Variants in TANC1 observed in about 807,000 individuals in gnomAD.
TANC1 encodes protein TANC1.
Under a neutral mutation model 149.7 loss-of-function variants are expected in TANC1, and 77 were observed. That is an observed-to-expected ratio of 0.51 (90% CI 0.43 to 0.62). TANC1 has a LOEUF of 0.62. Among genes scored for constraint, TANC1 ranks in the 20% least tolerant of loss-of-function variants. The pLI is 0.00. For synonymous variants in TANC1, 854 were observed against 925.0 expected, an observed-to-expected ratio of 0.92 and a Z score of 1.39; for missense variants, 1,985 against 2,321.8, an observed-to-expected ratio of 0.85 and a Z score of 2.98.
At chr2:159,055,124 T>C (rs1022977001) in intron 2 of TANC1, among the ~76,000 whole-genome samples, 1 of 152,100 alleles carries the variant, frequency 6.6e-6, no homozygotes, top group African/African-American at 2.4e-5. Flanking sequence ...TAATTCTGAG[T>C]GTGGTTGTTG....
intron 2 of TANC1, among the ~76,000 whole-genome samples, chr2:159,010,119 T>C (rs994723321): frequency 6.6e-6 from 1 of 152,206 alleles, no homozygotes; most frequent in Non-Finnish European, 1.5e-5. Context: ...CTTTCATTCC[T>C]CAGTAACTTC....
chr2:158,995,755 C>T (rs1209640839), intron 1 of TANC1, among the ~76,000 whole-genome samples: 1 of 152,178 alleles, frequency 6.6e-6, no homozygotes, highest in East Asian at 1.9e-4. Context: ...CTCTCAATTC[C>T]ACCCTTCTGT....
chr2:159,057,716 G>C (rs73969426), intron 2 of TANC1, among the ~76,000 whole-genome samples: 15,889 of 152,172 alleles, frequency 0.1, 856 homozygotes, highest in African/African-American at 0.11. Context: ...TGCTGGGGTG[G>C]GGAGCAAGGC....
chr2:159,064,265 G>T (rs1372754935), intron 2 of TANC1, among the ~76,000 whole-genome samples: 1 of 152,108 alleles, frequency 6.6e-6, no homozygotes, highest in East Asian at 1.9e-4. Context: ...TTTAGTGTTT[G>T]CCCTTTAGGT....
chr2:159,031,321 G>T (rs2039763353), intron 2 of TANC1, among the ~76,000 whole-genome samples: 1 of 152,194 alleles, frequency 6.6e-6, no homozygotes, highest in Admixed American at 6.5e-5. Context: ...GGAAGGAAGG[G>T]CCATGGACAC....
chr2:159,148,294 T>A (rs938150370), intron 5 of TANC1: 1 of 152,226 alleles, frequency 6.6e-6, no homozygotes, highest in African/African-American at 2.4e-5. Flanking sequence ...ATCGTTTTAT[T>A]TATTGGCCAT....
intron 19 of TANC1, among the ~76,000 whole-genome samples, chr2:159,203,203 TC>T (rs922414214): frequency 1.8e-4 from 23 of 129,398 alleles, no homozygotes; most frequent in East Asian, 2.8e-4. Context: ...GATAGGCTTT[TC>T]TTTTCTTTTT....
chr2:159,041,167 G>A (rs970523042), intron 2 of TANC1, among the ~76,000 whole-genome samples: 11 of 152,102 alleles, frequency 7.2e-5, no homozygotes, highest in Admixed American at 2.0e-4. Flanking sequence ...CATCTCGGAG[G>A]AGCACCCAGC....
intron 2 of TANC1, among the ~76,000 whole-genome samples, chr2:159,008,698 A>G (rs2037463544): frequency 6.6e-6 from 1 of 152,234 alleles, no homozygotes; most frequent in Non-Finnish European, 1.5e-5. Flanking sequence ...CTTTTACTGC[A>G]TATATCAAAT....
chr2:159,106,074 T>C (rs1267835022), intron 4 of TANC1, among the ~76,000 whole-genome samples: 2 of 152,208 alleles, frequency 1.3e-5, no homozygotes, highest in Non-Finnish European at 2.9e-5. Flanking sequence ...TATGTATTTT[T>C]CCATTGTGAT....
chr2:159,061,916 T>G (rs2042262258), intron 2 of TANC1, among the ~76,000 whole-genome samples: 1 of 152,164 alleles, frequency 6.6e-6, no homozygotes, highest in Admixed American at 6.5e-5. Flanking sequence ...TTGGTCAGTA[T>G]TTGAGTTATA....
chr2:158,974,429 A>G (rs1483375952), intron 1 of TANC1, among the ~76,000 whole-genome samples: 1 of 152,108 alleles, frequency 6.6e-6, no homozygotes, highest in Non-Finnish European at 1.5e-5. Flanking sequence ...TCATATATAT[A>G]TATTTTTTAA....
At chr2:159,163,589 C>A in intron 8 of TANC1, 43 bp downstream of exon 8, 1 of 1,585,510 alleles carries the variant, frequency 6.3e-7, no homozygotes, top group Non-Finnish European at 8.6e-7. Flanking sequence ...TCAGGGATAC[C>A]AAGGTGCCCT....
At position 159,231,199 on chromosome 2, in the gene TANC1, A is replaced by G. The variant is rs1287365506; in HGVS notation, c.*187A>G. On this transcript the variant is annotated 3_prime_UTR_variant, in exon 27 of 27. Transcript: ENST00000263635. ...TAATAGCTAGAAATCACCATAAATA[A>G]GAATGCTAAACAGAATTGAAAATTA... 5.5e-6 allele frequency: 3 copies of G among 545,222 alleles called. No homozygotes were observed. Among genetic ancestry groups the G allele is most frequent in the Non-Finnish European group, 9.7e-6 (3 of 310,244 alleles). The allele number at this position is 545,222 out of a possible 1,614,324, so 33.8% of individuals were successfully genotyped here.
Position 159,136,043 on chromosome 2 carries a change from TGTGTGTGC to T in TANC1, c.260-149_260-142del, listed in dbSNP as rs1559326037. The T allele has an allele frequency of 1.6e-4, 35 of 214,718 alleles. 3 individuals carry two copies. Among genetic ancestry groups the T allele is most frequent in the Admixed American group, 1.4e-3 (16 of 11,842 alleles). The allele number at this position is 214,718 out of a possible 1,614,324, so 13.3% of individuals were successfully genotyped here. ...GTGTGTGTGTGTGTGTGTGTGTGTGTGTGTGTGCGCGCGCGCGCGTTTAAGGGAGGGGA... is the reference window on the plus strand; with the variant it reads ...GTGTGTGTGTGTGTGTGTGTGTGTGTGCGCGCGCGCGTTTAAGGGAGGGGA... On this transcript the variant is annotated intron_variant, in intron 4 of 26. Transcript: ENST00000263635.
chr2:159,197,916 A>G (rs981266166), intron 18 of TANC1, among the ~76,000 whole-genome samples: 2 of 152,212 alleles, frequency 1.3e-5, no homozygotes, highest in African/African-American at 4.8e-5. Context: ...TTAAAGCAGC[A>G]CACACTTACT....
At position 159,222,066 on chromosome 2, in the gene TANC1, G is replaced by T. The variant is rs547668175; in HGVS notation, c.3679-2166G>T. 1.2e-3 allele frequency among the ~76,000 whole-genome samples: 182 copies of T among 152,300 alleles called. 1 individual carries two copies. The highest frequency in any genetic ancestry group is 1.3e-3 in the Non-Finnish European group (91 of 68,016). ...GTGCTTTTAGAAGGCAGCGCTGTCA[G>T]AGTTCAATGGTATAAACTTCAGTAC... is the stretch of plus-strand genomic sequence containing the variant. On this transcript the variant is annotated intron_variant, in intron 22 of 26. Transcript: ENST00000263635.
chr2:159,077,387 C>T (rs1196767618), intron 3 of TANC1, among the ~76,000 whole-genome samples: 2 of 152,098 alleles, frequency 1.3e-5, no homozygotes, highest in Non-Finnish European at 2.9e-5. Context: ...AAAACAAAAC[C>T]TATATGATGG....
intron 19 of TANC1, among the ~76,000 whole-genome samples, chr2:159,207,396 T>TCTA (rs1180587792): frequency 2.6e-5 from 4 of 152,146 alleles, no homozygotes; most frequent in Non-Finnish European, 5.9e-5. Flanking sequence ...GGAGGCAGCA[T>TCTA]TGTAGGAGCT....
Sources: allele counts gnomAD v4.1 joint callset (sites outside exome capture counted in the v4.1 genomes callset), GRCh38; gene constraint gnomAD v4.1.1; transcripts MANE v1.5; gene names NCBI Gene and HGNC (gene_info 2026-07-23, HGNC 2026-07-21).